The following BUD13 variants were observed in gnomAD, a reference collection of about 807,000 sequenced individuals.
BUD13 encodes the protein BUD13 homolog.
In BUD13, 47 loss-of-function variants were observed where a neutral mutation model predicts 62.5. The observed-to-expected ratio is 0.75, with a 90% CI of 0.60 to 0.96. The LOEUF is 0.96. Ranked by LOEUF, BUD13 falls within the 40% of genes least tolerant of loss-of-function variation. The probability of loss-of-function intolerance (pLI) is 0.00; values close to 1 mark genes in which losing one functional copy is unlikely to be tolerated. For synonymous variants in BUD13, 293 were observed against 280.1 expected (o/e 1.05, Z -0.46); for missense variants, 821 against 790.9 (o/e 1.04, Z -0.46).
chr11:116,749,773 G>C (rs574278415), intron 9 of BUD13, among the ~76,000 whole-genome samples: 110 of 152,334 alleles, frequency 7.2e-4, no homozygotes, highest in Non-Finnish European at 1.1e-3. Context: ...AGATCACTCT[G>C]GAGGGGATCT....
chr11:116,765,530 A>G, intron 2 of BUD13, 84 bp from the exon 3 acceptor site: 1 of 1,436,008 alleles, frequency 7.0e-7, no homozygotes, highest in Non-Finnish European at 9.8e-7. Flanking sequence ...AGTTACAACC[A>G]TTCCGATTCC....
intron 4 of BUD13, among the ~76,000 whole-genome samples, chr11:116,761,471 C>T (rs1473119615): frequency 6.6e-6 from 1 of 152,174 alleles, no homozygotes; most frequent in African/African-American, 2.4e-5. Flanking sequence ...ATGGATGGCA[C>T]AGGAGAAGAG....
At chr11:116,761,078 T>TG (rs957423204) in intron 4 of BUD13, 126 bp from the exon 5 acceptor site, 79 of 770,896 alleles carry the variant, frequency 1.0e-4, no homozygotes, top group Admixed American at 9.7e-5. Flanking sequence ...TTATTTTTTT[T>TG]TTTTTGAGAC....
chr11:116,753,643 T>C (rs1033088364), intron 9 of BUD13, among the ~76,000 whole-genome samples: 1 of 152,160 alleles, frequency 6.6e-6, no homozygotes, highest in Non-Finnish European at 1.5e-5. Flanking sequence ...AAGCTGTCAA[T>C]AGAAACCAAT....
chr11:116,752,393 A>C (rs375020096), intron 9 of BUD13, among the ~76,000 whole-genome samples: 4 of 152,214 alleles, frequency 2.6e-5, no homozygotes, highest in South Asian at 2.1e-4. Flanking sequence ...TAACAAAAAG[A>C]AAGCAAGGGT....
intron 7 of BUD13, 36 bp downstream of exon 7, chr11:116,758,233 C>T (rs780965693): frequency 3.7e-6 from 6 of 1,610,660 alleles, no homozygotes; most frequent in Non-Finnish European, 4.2e-6. Context: ...GTTCCAGTCA[C>T]TGCCATCTTG....
rs138173690 is a variant in BUD13, at chr11:116,762,635, A to G, written c.954T>C (p.Tyr318=). 193 of 1,614,042 alleles carry G rather than the reference A, an allele frequency of 1.2e-4. No individual in the cohort carries two copies. The highest frequency in any genetic ancestry group is 5.3e-4 in the Admixed American group (32 of 60,006). Residue 318 remains tyrosine, a synonymous_variant, in exon 4 of 10, where the codon TAT becomes TAC. Coordinates refer to ENST00000260210, the MANE Select transcript of BUD13 (RefSeq NM_032725.4). The part of the protein sequence containing the change: ...SHLSFPKNSK[Y]EYDPDISPPR... ...GAGGAGAGATGTCAGGGTCATACTC[A>G]TATTTGCTGTTCTTTGGGAATGACA...
intron 4 of BUD13, 120 bp from the exon 5 acceptor site, chr11:116,761,072 T>A: frequency 3.1e-6 from 2 of 652,384 alleles, no homozygotes; most frequent in South Asian, 2.6e-5. Context: ...TTATTATTAT[T>A]TTTTTTTTTT....
At chr11:116,767,808 C>T (rs761481476) in intron 2 of BUD13, among the ~76,000 whole-genome samples, 4 of 151,390 alleles carry the variant, frequency 2.6e-5, no homozygotes, top group Non-Finnish European at 5.9e-5. Flanking sequence ...CTCATCTCTA[C>T]AAAAAATACC....
intron 1 of BUD13, among the ~76,000 whole-genome samples, chr11:116,771,231 C>T (rs1940622244): frequency 6.6e-6 from 1 of 152,188 alleles, no homozygotes; most frequent in Admixed American, 6.5e-5. Flanking sequence ...ACTTTCATTG[C>T]ATTTATCATA....
At position 116,762,613 on chromosome 11, in the gene BUD13, G is replaced by A. The variant is rs749275168; in HGVS notation, c.976C>T (p.Pro326Ser). ...SKYEYDPDISPPRKKQAKSHF... is the reference protein window; with the variant it reads ...SKYEYDPDISSPRKKQAKSHF... ...GATTTTGCTTGCTTTTTTCGTGGAG[G>A]AGAGATGTCAGGGTCATACTCATAT... Residue 326 changes from proline to serine, a missense_variant, in exon 4 of 10, where the codon CCT (proline) becomes TCT (serine). Pro to Ser is a moderately conservative substitution (Grantham distance 74). Coordinates refer to ENST00000260210, the MANE Select transcript of BUD13 (RefSeq NM_032725.4). 2.5e-6 allele frequency: 4 copies of A among 1,613,214 alleles called. No homozygotes were observed. In the African/African-American group the frequency reaches 4.0e-5, roughly 16 times the overall value.
intron 4 of BUD13, 107 bp from the exon 5 acceptor site, chr11:116,761,059 A>T: frequency 1.1e-6 from 1 of 897,530 alleles, no homozygotes; most frequent in Non-Finnish European, 1.7e-6. Flanking sequence ...AGAATTCCTT[A>T]CATTATTATT....
intron 9 of BUD13, among the ~76,000 whole-genome samples, chr11:116,755,370 T>A (rs937390172): frequency 2.0e-5 from 3 of 152,216 alleles, no homozygotes; most frequent in Non-Finnish European, 4.4e-5. Context: ...ATTTGGAAGG[T>A]CTGAACAACT....
chr11:116,770,497 CT>C (rs750220858), intron 1 of BUD13, among the ~76,000 whole-genome samples: 4,839 of 142,180 alleles, frequency 0.034, 86 homozygotes, highest in Non-Finnish European at 0.039. Flanking sequence ...CAATCTTTTT[CT>C]TTTTTTTTTT....
intron 1 of BUD13, among the ~76,000 whole-genome samples, chr11:116,770,696 G>A (rs894958584): frequency 6.6e-5 from 10 of 152,110 alleles, no homozygotes; most frequent in Middle Eastern, 3.4e-3. Flanking sequence ...GGGTTTCACC[G>A]TGTTAGTCAG....
chr11:116,762,587 G>A lies in BUD13; in HGVS notation c.1002C>T (p.Ser334=). ...ISPPRKKQAK[S]HFGDKKQLDS... Reference sequence around the variant, plus strand: ...CAAGCTGCTTCTTGTCTCCAAAATGGGATTTTGCTTGCTTTTTTCGTGGAG... The same window carrying A: ...CAAGCTGCTTCTTGTCTCCAAAATGAGATTTTGCTTGCTTTTTTCGTGGAG... Residue 334 remains serine (S), a synonymous_variant, in exon 4 of 10, where the codon TCC becomes TCT. Coordinates refer to ENST00000260210, the MANE Select transcript of BUD13 (RefSeq NM_032725.4). The A allele has an allele frequency of 6.2e-7, 1 of 1,612,762 alleles. No homozygotes were observed. The highest frequency in any genetic ancestry group is 8.5e-7 in the Non-Finnish European group (1 of 1,179,526).
At chr11:116,758,005 A>G in intron 7 of BUD13, 55 bp from the exon 8 acceptor site, 1 of 1,593,382 alleles carries the variant, frequency 6.3e-7, no homozygotes, top group Admixed American at 1.7e-5. Flanking sequence ...TTCCACTTCT[A>G]CACGAGATGG....
rs570712223 is a variant in BUD13 at position 116,770,726 on chromosome 11, C to T, written c.144-504G>A. Among the ~76,000 whole-genome samples the T allele has an allele frequency of 4.3e-3, 661 of 152,234 alleles. 1 individual carries two copies. Among genetic ancestry groups the T allele is most frequent in the Non-Finnish European group, 7.2e-3 (488 of 68,006 alleles). ...AGTCAGGATGGTCTCGATCTCCTGACCTCGTGATCCGCCCGCCTTGGCCTC... is the reference window on the plus strand; with the variant it reads ...AGTCAGGATGGTCTCGATCTCCTGATCTCGTGATCCGCCCGCCTTGGCCTC... On this transcript the variant is annotated intron_variant, in intron 1 of 9. Transcript: ENST00000260210.
Position 116,772,834 on chromosome 11 carries a change from G to A in BUD13, c.131C>T (p.Ala44Val), listed in dbSNP as rs1940656093. ...GGTACCAACTCACCCCTTGCCGCCG[G>A]CCCCGCCAGGCTTCGGCCGCTTTTT... Reference protein sequence around the residue: ...RRKKRPKPGGAGGKGMRIVDD... With the variant: ...RRKKRPKPGGVGGKGMRIVDD... The change falls in exon 1 of 10, where the codon GCC becomes GTC. Residue 44 changes from alanine to valine, a missense_variant. Coordinates refer to ENST00000260210, the MANE Select transcript of BUD13 (RefSeq NM_032725.4). The A allele has an allele frequency of 3.2e-6, 5 of 1,577,908 alleles. No homozygotes were observed. Among genetic ancestry groups the A allele is most frequent in the East Asian group, 4.8e-5 (2 of 41,842 alleles).
Sources: gnomAD v4.1 joint callset for allele counts (sites outside exome capture counted in the v4.1 genomes callset) on GRCh38, gnomAD v4.1.1 for gene constraint, MANE v1.5 for transcripts, NCBI Gene and HGNC (gene_info 2026-07-23, HGNC 2026-07-21) for gene names.